LYPD6B: variants seen among roughly 807,000 people sequenced by gnomAD.
The protein encoded by LYPD6B is LY6/PLAUR domain containing 6B.
A neutral mutation model predicts 22.8 loss-of-function variants in LYPD6B; 17 were observed. That is an observed-to-expected ratio of 0.75 (90% CI 0.51 to 1.12). The LOEUF (loss-of-function observed/expected upper bound fraction) is 1.12. Ranked by LOEUF, LYPD6B falls within the 50% of genes most tolerant of loss-of-function variation. The pLI is 0.00. For synonymous variants in LYPD6B, 106 were observed against 91.6 expected, an observed-to-expected ratio of 1.16 and a Z score of -0.90; for missense variants, 221 against 258.3, an observed-to-expected ratio of 0.86 and a Z score of 0.99.
chr2:149,168,616 TC>T (rs1238662792), intron 3 of LYPD6B, among the ~76,000 whole-genome samples: 1 of 152,168 alleles, frequency 6.6e-6, no homozygotes, highest in African/African-American at 2.4e-5. Flanking sequence ...CAGCTGTGGC[TC>T]CCCATGCCTG....
At chr2:149,062,860 C>CTTTTTTT (rs5835285) in intron 1 of LYPD6B, among the ~76,000 whole-genome samples, 12 of 93,508 alleles carry the variant, frequency 1.3e-4, no homozygotes, top group East Asian at 6.3e-4. Flanking sequence ...GATACATGTT[C>CTTTTTTT]TTTTTTTTTT....
chr2:149,102,419 T>C (rs11688597), intron 1 of LYPD6B, among the ~76,000 whole-genome samples: 42,038 of 151,980 alleles, frequency 0.28, 6,221 homozygotes, highest in East Asian at 0.55. Context: ...GGAACATTTG[T>C]ACTGTTGTTG....
At chr2:149,163,344 A>G (rs1394201914) in intron 3 of LYPD6B, among the ~76,000 whole-genome samples, 1 of 152,102 alleles carries the variant, frequency 6.6e-6, no homozygotes, top group African/African-American at 2.4e-5. Context: ...TTACTTTTAT[A>G]TAATTCTTGC....
intron 1 of LYPD6B, among the ~76,000 whole-genome samples, chr2:149,060,184 C>T (rs77540458): frequency 6.6e-6 from 1 of 152,144 alleles, no homozygotes; most frequent in Non-Finnish European, 1.5e-5. Context: ...GGGCTAGGCA[C>T]TTTGCAAGGC....
At chr2:149,160,250 C>T (rs1033695115) in intron 2 of LYPD6B, among the ~76,000 whole-genome samples, 3 of 152,148 alleles carry the variant, frequency 2.0e-5, no homozygotes, top group African/African-American at 4.8e-5. Context: ...TATAGGGAAA[C>T]ATTCCAGTTC....
intron 1 of LYPD6B, among the ~76,000 whole-genome samples, chr2:149,043,407 G>C (rs918427144): frequency 2.0e-5 from 3 of 152,080 alleles, no homozygotes; most frequent in African/African-American, 7.2e-5. Flanking sequence ...GGTTATGTTT[G>C]GACCCATTAC....
At chr2:149,090,820 C>G (rs1354843537) in intron 1 of LYPD6B, among the ~76,000 whole-genome samples, 1 of 152,104 alleles carries the variant, frequency 6.6e-6, no homozygotes, top group African/African-American at 2.4e-5. Context: ...TACTAAGTGA[C>G]AGGCATTGAT....
intron 1 of LYPD6B, among the ~76,000 whole-genome samples, chr2:149,054,759 G>A (rs1221692296): frequency 6.6e-6 from 1 of 152,002 alleles, no homozygotes; most frequent in Non-Finnish European, 1.5e-5. Context: ...TGCACCTGCA[G>A]TTCCAGCTAC....
chr2:149,141,728 A>G (rs537031415), intron 2 of LYPD6B, among the ~76,000 whole-genome samples: 2 of 152,354 alleles, frequency 1.3e-5, no homozygotes, highest in South Asian at 4.1e-4. Context: ...GGCAACTATA[A>G]CAAAGTAATA....
chr2:149,205,437 G>T (rs1693450209), intron 4 of LYPD6B, 33 bp downstream of exon 4: 1 of 1,608,420 alleles, frequency 6.2e-7, no homozygotes, highest in African/African-American at 1.3e-5. Context: ...CTAGTTCATG[G>T]CTGTGGGGCC....
At chr2:149,194,074 G>C (rs770863530) in intron 3 of LYPD6B, among the ~76,000 whole-genome samples, 1 of 152,068 alleles carries the variant, frequency 6.6e-6, no homozygotes. Flanking sequence ...TGGGGAGGGT[G>C]GTGACATTTG....
intron 1 of LYPD6B, among the ~76,000 whole-genome samples, chr2:149,088,235 A>G (rs1685491276): frequency 6.6e-6 from 1 of 152,082 alleles, no homozygotes; most frequent in South Asian, 2.1e-4. Context: ...AAAACAGACT[A>G]ACCTATAACT....
intron 1 of LYPD6B, among the ~76,000 whole-genome samples, chr2:149,043,668 A>G (rs966861212): frequency 1.3e-5 from 2 of 152,186 alleles, no homozygotes; most frequent in African/African-American, 4.8e-5. Context: ...ATTTTTTAAT[A>G]CATCCAACTT....
intron 3 of LYPD6B, among the ~76,000 whole-genome samples, chr2:149,171,947 C>T (rs1690858039): frequency 6.8e-6 from 1 of 147,516 alleles, no homozygotes; most frequent in African/African-American, 2.4e-5. Context: ...TGGTTTCTAC[C>T]CTCTGCCCTT....
At chr2:149,155,491 A>G (rs1354256048) in intron 2 of LYPD6B, among the ~76,000 whole-genome samples, 1 of 152,180 alleles carries the variant, frequency 6.6e-6, no homozygotes, top group African/African-American at 2.4e-5. Flanking sequence ...TGCCCCAGGG[A>G]GTGCTGCAGG....
At chr2:149,068,846 G>C in intron 1 of LYPD6B, 1 of 381,024 alleles carries the variant, frequency 2.6e-6, no homozygotes, top group Non-Finnish European at 5.4e-6. Context: ...AACTACTCCA[G>C]GTTTATCGCC....
intron 1 of LYPD6B, among the ~76,000 whole-genome samples, chr2:149,069,173 G>T (rs1405815046): frequency 3.4e-5 from 5 of 145,696 alleles, no homozygotes; most frequent in Non-Finnish European, 3.0e-5. Flanking sequence ...TTTTGTGGGT[G>T]GGCTGGTGGG....
At chr2:149,137,389 G>T (rs1015303099) in intron 2 of LYPD6B, among the ~76,000 whole-genome samples, 1 of 152,026 alleles carries the variant, frequency 6.6e-6, no homozygotes, top group African/African-American at 2.4e-5. Flanking sequence ...TTCATTTAAG[G>T]GTATATCTGG....
intron 2 of LYPD6B, among the ~76,000 whole-genome samples, chr2:149,144,158 A>G (rs17592946): frequency 0.2 from 30,754 of 152,206 alleles, 3,564 homozygotes; most frequent in Non-Finnish European, 0.26. Flanking sequence ...ATGATGGTGG[A>G]GATGGTCTGG....
Sources: allele counts gnomAD v4.1 joint callset (sites outside exome capture counted in the v4.1 genomes callset), GRCh38; gene constraint gnomAD v4.1.1; transcripts MANE v1.5; gene names NCBI Gene and HGNC (gene_info 2026-07-23, HGNC 2026-07-21).